Variants in ZNF512 observed in about 807,000 individuals in gnomAD.
ZNF512 encodes the protein zinc finger protein 512.
In ZNF512, 25 loss-of-function variants were observed where a neutral mutation model predicts 77.5. The observed-to-expected ratio is 0.32, with a 90% CI of 0.23 to 0.45. The LOEUF (loss-of-function observed/expected upper bound fraction) is 0.45, where lower values mean the gene tolerates loss of function less well. ZNF512 is among the 20% of genes least tolerant of loss of function. The pLI is 1.00. For missense variants in ZNF512, 483 were observed against 692.6 expected (o/e 0.70, Z 3.40); for synonymous variants, 246 against 239.9 (o/e 1.03, Z -0.24).
intron 9 of ZNF512, among the ~76,000 whole-genome samples, chr2:27,606,663 CAG>C (rs899948009): frequency 1.1e-4 from 16 of 152,200 alleles, no homozygotes; most frequent in African/African-American, 1.9e-4. Flanking sequence ...GCCTGGCCCT[CAG>C]TGTATAATTT....
At chr2:27,602,608 A>T in intron 8 of ZNF512, 47 bp downstream of exon 8, 1 of 1,524,628 alleles carries the variant, frequency 6.6e-7, no homozygotes, top group Non-Finnish European at 8.9e-7. Flanking sequence ...TTCTCAGGTC[A>T]ATGTCTTTCG....
intron 2 of ZNF512, among the ~76,000 whole-genome samples, chr2:27,588,587 G>A (rs1671439468): frequency 6.6e-6 from 1 of 151,416 alleles, no homozygotes; most frequent in Admixed American, 6.6e-5. Flanking sequence ...ATATGTGTAG[G>A]TCTGTTTCTG....
At chr2:27,609,130 G>T (rs181900197) in intron 10 of ZNF512, among the ~76,000 whole-genome samples, 1 of 150,354 alleles carries the variant, frequency 6.7e-6, no homozygotes, top group Admixed American at 6.6e-5. Flanking sequence ...AAAAGGAAAA[G>T]AAAAGAAAAG....
At position 27,610,478 on chromosome 2, in the gene ZNF512, G is replaced by GTA. The variant is rs746440291; in HGVS notation, c.1131+2451_1131+2452dup. 3.3e-3 allele frequency among the ~76,000 whole-genome samples: 425 copies of GTA among 127,514 alleles called. 3 individuals carry two copies. The highest frequency in any genetic ancestry group is 4.0e-3 in the Non-Finnish European group (252 of 62,562). The allele number at this position is 127,514 out of a possible 152,430, so 83.7% of individuals were successfully genotyped here. On this transcript the variant is annotated intron_variant, in intron 10 of 13. Coordinates refer to ENST00000355467, the MANE Select transcript of ZNF512 (RefSeq NM_032434.4). ...AAATAGGTTATATATGTGTATATGT[G>GTA]TATATATATATATGTGTATATGTGT...
rs545709857 is a variant in ZNF512 at position 27,583,237 on chromosome 2, T to G, written c.30+95T>G. The stretch of plus-strand genomic sequence containing the variant: ...CTTTTGTCCCATGCTGAGTTGGTTT[T>G]ATCAGAGGCCATCGTAGGCCCCACC... On this transcript the variant is annotated intron_variant, in intron 1 of 13. Transcript: ENST00000355467. 33 of 1,573,928 alleles carry G rather than the reference T, an allele frequency of 2.1e-5. No homozygotes were observed. The South Asian group carries it at 2.7e-4, about 13-fold the overall frequency.
Position 27,591,660 on chromosome 2 carries a change from C to T in ZNF512, c.90-6407C>T, listed in dbSNP as rs145275920. 2.2e-3 allele frequency among the ~76,000 whole-genome samples: 332 copies of T among 152,322 alleles called. 5 individuals carry two copies. The East Asian group carries it at 0.053, about 24-fold the overall frequency. ...TCTTGCCCTTGTGATCTGCCCACCT[C>T]GGCCTCCCAAAGTGTCGGGATTACA... On this transcript the variant is annotated intron_variant, in intron 2 of 13. Transcript: ENST00000355467.
intron 9 of ZNF512, among the ~76,000 whole-genome samples, chr2:27,605,860 AT>A (rs1672331576): frequency 2.0e-5 from 3 of 152,250 alleles, no homozygotes; most frequent in African/African-American, 7.2e-5. Context: ...TGATTAATGT[AT>A]ATTTAACTTC....
chr2:27,591,239 T>C (rs1434418683), intron 2 of ZNF512, among the ~76,000 whole-genome samples: 3 of 152,066 alleles, frequency 2.0e-5, no homozygotes, highest in African/African-American at 4.8e-5. Context: ...TTTTTGTGGG[T>C]ACATAGTAAG....
chr2:27,613,736 A>G (rs1034163747), intron 10 of ZNF512, among the ~76,000 whole-genome samples: 3 of 152,006 alleles, frequency 2.0e-5, no homozygotes, highest in African/African-American at 7.2e-5. Flanking sequence ...GCACAGTTCA[A>G]ACTCATGTTG....
chr2:27,596,020 T>C (rs1392663345), intron 2 of ZNF512, among the ~76,000 whole-genome samples: 1 of 152,066 alleles, frequency 6.6e-6, no homozygotes, highest in African/African-American at 2.4e-5. Flanking sequence ...GGTCCTATTA[T>C]AATTCTTCTG....
At position 27,593,241 on chromosome 2, in the gene ZNF512, CACACAA is replaced by C. The variant is rs1237676867; in HGVS notation, c.90-4824_90-4819del. On this transcript the variant is annotated intron_variant, in intron 2 of 13. Transcript: ENST00000355467. ...ACACACACACACACACACACACACA[CACACAA>C]AAGAATGAGCTGGGTACCGTGGCAC... Among the ~76,000 whole-genome samples, 320 of 138,252 alleles carry C rather than the reference CACACAA, an allele frequency of 2.3e-3. 3 individuals carry two copies. Among genetic ancestry groups the C allele is most frequent in the African/African-American group, 7.1e-3 (252 of 35,470 alleles). 90.7% of individuals were successfully genotyped at this position (138,252 alleles called of 152,430 possible).
chr2:27,583,704 T>A lies in ZNF512; in HGVS notation c.77T>A (p.Val26Glu). The change falls in exon 2 of 14, where the codon GTG becomes GAG. Residue 26 changes from valine (V) to glutamate (E), a missense_variant. By Grantham distance (121) the Val-to-Glu change is moderately radical (BLOSUM62 -2). Coordinates refer to ENST00000355467, the MANE Select transcript of ZNF512 (RefSeq NM_032434.4). ...TFKQQRSTRI[V>E]GAKNSRTQCS... ...AAGCAGCAGAGGAGCACGAGGATCGTGGGAGCTAAGAAGTAAGTGAGGTTT... is the reference window on the plus strand; with the variant it reads ...AAGCAGCAGAGGAGCACGAGGATCGAGGGAGCTAAGAAGTAAGTGAGGTTT... 6.2e-7 allele frequency: 1 copy of A among 1,614,092 alleles called. No homozygotes were observed. Among genetic ancestry groups the A allele is most frequent in the Non-Finnish European group, 8.5e-7 (1 of 1,180,008 alleles).
At chr2:27,611,785 C>T (rs1224111361) in intron 10 of ZNF512, among the ~76,000 whole-genome samples, 1 of 151,624 alleles carries the variant, frequency 6.6e-6, no homozygotes, top group Non-Finnish European at 1.5e-5. Context: ...GCAACCTCCG[C>T]CTCCCGGGTT....
Position 27,621,527 on chromosome 2 carries a change from GGAGGACTGA to G in ZNF512, c.*68_*76del. 1 of 1,462,114 alleles carries G rather than the reference GGAGGACTGA, an allele frequency of 6.8e-7. No homozygotes were observed. Among genetic ancestry groups the G allele is most frequent in the Non-Finnish European group, 9.1e-7 (1 of 1,101,018 alleles). 90.6% of individuals were successfully genotyped at this position (1,462,114 alleles called of 1,614,324 possible). On this transcript the variant is annotated 3_prime_UTR_variant, in exon 14 of 14. Coordinates refer to ENST00000355467, the MANE Select transcript of ZNF512 (RefSeq NM_032434.4). ...GCTGTTGTCACGGGGACCTGTGCTG[GGAGGACTGA>G]GTGAAGATTCTTTCAGCTGTTTGTG... is the stretch of plus-strand genomic sequence containing the variant.
At chr2:27,599,813 C>A in intron 4 of ZNF512, 135 bp downstream of exon 4, 1 of 1,139,876 alleles carries the variant, frequency 8.8e-7, no homozygotes, top group Non-Finnish European at 1.3e-6. Context: ...AGGGAATGGC[C>A]TCCATCCTGC....
intron 2 of ZNF512, among the ~76,000 whole-genome samples, chr2:27,597,617 G>A (rs1671931494): frequency 6.6e-6 from 1 of 152,218 alleles, no homozygotes. Context: ...AGAATGCTGA[G>A]GCAGAAGGAA....
chr2:27,597,069 A>C (rs532330875), intron 2 of ZNF512, among the ~76,000 whole-genome samples: 1 of 152,206 alleles, frequency 6.6e-6, no homozygotes, highest in South Asian at 2.1e-4. Context: ...TATTGCTTCT[A>C]ACAGCAGCAC....
intron 1 of ZNF512, 105 bp downstream of exon 1, chr2:27,583,247 C>A: frequency 2.6e-6 from 4 of 1,516,472 alleles, no homozygotes; most frequent in Non-Finnish European, 3.7e-6. Context: ...TATCAGAGGC[C>A]ATCGTAGGCC....
intron 13 of ZNF512, among the ~76,000 whole-genome samples, chr2:27,620,876 C>T (rs1673090653): frequency 6.6e-6 from 1 of 152,100 alleles, no homozygotes; most frequent in Admixed American, 6.6e-5. Context: ...GATTTATACT[C>T]AGGAGATATA....
Sources: gnomAD v4.1 joint callset for allele counts (sites outside exome capture counted in the v4.1 genomes callset) on GRCh38, gnomAD v4.1.1 for gene constraint, MANE v1.5 for transcripts, NCBI Gene and HGNC (gene_info 2026-07-23, HGNC 2026-07-21) for gene names.